Variants in CRTAC1 observed in about 807,000 individuals in gnomAD.
CRTAC1 encodes cartilage acidic protein 1.
In CRTAC1, 37 loss-of-function variants were observed where a neutral mutation model predicts 67.8. The observed-to-expected ratio is 0.55, with a 90% CI of 0.42 to 0.72. The LOEUF is 0.72. Ranked by LOEUF, CRTAC1 falls within the 30% of genes least tolerant of loss-of-function variation. CRTAC1 has a pLI of 0.00. For synonymous variants in CRTAC1, 348 were observed against 371.0 expected (o/e 0.94, Z 0.71); for missense variants, 780 against 931.6 (o/e 0.84, Z 2.12).
At chr10:97,985,189 T>C (rs2051960079) in intron 2 of CRTAC1, among the ~76,000 whole-genome samples, 1 of 152,176 alleles carries the variant, frequency 6.6e-6, no homozygotes, top group South Asian at 2.1e-4. Flanking sequence ...AGAGAATAGA[T>C]GCTAGGCACC....
rs531021933 is a variant in CRTAC1, at chr10:98,002,761, C to CTT, written c.224+8375_224+8376dup. 5.0e-3 allele frequency among the ~76,000 whole-genome samples: 185 copies of CTT among 37,274 alleles called. 67 individuals are homozygous for CTT. The highest frequency in any genetic ancestry group is 0.016 in the Middle Eastern group (1 of 62). 24.5% of individuals were successfully genotyped at this position (37,274 alleles called of 152,430 possible). A position where few individuals can be genotyped will look rare whatever the true frequency, so the allele number is the denominator to read the frequency against. On this transcript the variant is annotated intron_variant, in intron 2 of 14. Transcript: ENST00000370597. ...TTTTAGGAATTCTTTACAAAACTCA[C>CTT]TTTTTTTTTTTTTTTTTTTTTTTTT...
intron 7 of CRTAC1, among the ~76,000 whole-genome samples, chr10:97,904,206 C>G (rs1001890069): frequency 1.3e-5 from 2 of 152,060 alleles, no homozygotes; most frequent in Non-Finnish European, 1.5e-5. Flanking sequence ...TCTTCCTACT[C>G]TTGGATCCAG....
At chr10:98,023,555 A>G (rs1210385120) in intron 1 of CRTAC1, among the ~76,000 whole-genome samples, 1 of 152,194 alleles carries the variant, frequency 6.6e-6, no homozygotes, top group African/African-American at 2.4e-5. Context: ...ACCTGAAAAA[A>G]GCCTCTTTGG....
chr10:97,875,992 C>T (rs1311133533), intron 14 of CRTAC1: 1 of 152,204 alleles, frequency 6.6e-6, no homozygotes, highest in South Asian at 2.1e-4. Flanking sequence ...AGGGGACTCT[C>T]GACATTAGCA....
intron 1 of CRTAC1, among the ~76,000 whole-genome samples, chr10:98,022,114 G>A (rs1843135548): frequency 6.6e-6 from 1 of 152,118 alleles, no homozygotes; most frequent in African/African-American, 2.4e-5. Flanking sequence ...CCAGCATTTT[G>A]GGAGGCCGAG....
At chr10:97,965,023 C>A (rs7084682) in intron 2 of CRTAC1, among the ~76,000 whole-genome samples, 1 of 152,126 alleles carries the variant, frequency 6.6e-6, no homozygotes, top group Non-Finnish European at 1.5e-5. Context: ...ATTCAACATG[C>A]GCACAGATGA....
intron 7 of CRTAC1, among the ~76,000 whole-genome samples, chr10:97,904,091 T>C (rs1336668589): frequency 2.6e-5 from 4 of 151,598 alleles, no homozygotes; most frequent in African/African-American, 9.7e-5. Context: ...GCTGGATCCT[T>C]TCCAGGAGCC....
chr10:97,986,193 C>T (rs2136668076), intron 2 of CRTAC1, among the ~76,000 whole-genome samples: 1 of 152,272 alleles, frequency 6.6e-6, no homozygotes, highest in Admixed American at 6.5e-5. Context: ...GACTGGGCTC[C>T]CAAACAGACT....
rs1331320139 is a variant in CRTAC1, at chr10:98,030,594, G to A, written c.-122C>T. On this transcript the variant is annotated 5_prime_UTR_variant, in exon 1 of 15. Transcript: ENST00000370597. This position sits in a 1 kb window ranked among gnomAD's most constrained non-coding sequence, Gnocchi z 4.2. Reference sequence around the variant, plus strand: ...GTCCCGGGCTGGCCTCGAGCCTCCCGCCCCGACGCCGCGCGCTCGCTTTAT... The same window carrying A: ...GTCCCGGGCTGGCCTCGAGCCTCCCACCCCGACGCCGCGCGCTCGCTTTAT... 2.5e-5 allele frequency: 14 copies of A among 558,776 alleles called. No homozygotes were observed. Among genetic ancestry groups the A allele is most frequent in the East Asian group, 3.7e-5 (1 of 26,812 alleles). The allele number at this position is 558,776 out of a possible 1,614,324, so 34.6% of individuals were successfully genotyped here.
chr10:97,952,029 C>T (rs1325430443), intron 2 of CRTAC1, among the ~76,000 whole-genome samples: 3 of 152,272 alleles, frequency 2.0e-5, no homozygotes, highest in Non-Finnish European at 4.4e-5. Flanking sequence ...AGACCACCTA[C>T]AATGAAAACA....
chr10:97,908,197 C>A lies in CRTAC1; in HGVS notation c.716-50G>T, dbSNP rs199918926. 1.3e-3 allele frequency: 2,032 copies of A among 1,606,076 alleles called. 3 individuals are homozygous for A. Among genetic ancestry groups the A allele is most frequent in the Non-Finnish European group, 1.6e-3 (1,860 of 1,174,804 alleles). Reference sequence around the variant, plus strand: ...GAGTGGCAGAAGCAAGCCCCAGGCCCACCTGGAGGACAGGGCTGCCTCTGA... The same window carrying A: ...GAGTGGCAGAAGCAAGCCCCAGGCCAACCTGGAGGACAGGGCTGCCTCTGA... On this transcript the variant is annotated intron_variant, in intron 5 of 14. Coordinates refer to ENST00000370597, the MANE Select transcript of CRTAC1 (RefSeq NM_018058.7).
rs1007899657 is a variant in CRTAC1, at chr10:97,975,831, G to A, written c.224+35307C>T. Among the ~76,000 whole-genome samples the A allele has an allele frequency of 2.6e-5, 4 of 152,224 alleles. No homozygotes were observed. Among genetic ancestry groups the A allele is most frequent in the African/African-American group, 9.6e-5 (4 of 41,468 alleles). ...GGGAAGCTACGCACACTCGGTGAGC[G>A]TGCTCCTGGGCCCCCAATGAGGAGC... is the stretch of plus-strand genomic sequence containing the variant. On this transcript the variant is annotated intron_variant, in intron 2 of 14. Coordinates refer to ENST00000370597, the MANE Select transcript of CRTAC1 (RefSeq NM_018058.7). This position sits in a 1 kb window ranked among gnomAD's most constrained non-coding sequence, Gnocchi z 4.8.
chr10:97,911,423 A>G (rs17108685), intron 5 of CRTAC1, among the ~76,000 whole-genome samples: 93 of 152,312 alleles, frequency 6.1e-4, no homozygotes, highest in Middle Eastern at 3.4e-3. Flanking sequence ...CCACACTACT[A>G]ATTAGCCACA....
At chr10:97,972,051 C>T (rs1040126965) in intron 2 of CRTAC1, among the ~76,000 whole-genome samples, 1 of 152,194 alleles carries the variant, frequency 6.6e-6, no homozygotes, top group African/African-American at 2.4e-5. Flanking sequence ...TACTGGCAGA[C>T]ATCCTTGTGG....
At chr10:97,941,765 C>G (rs1311723708) in intron 2 of CRTAC1, among the ~76,000 whole-genome samples, 1 of 152,218 alleles carries the variant, frequency 6.6e-6, no homozygotes. Flanking sequence ...CCTCACTTGA[C>G]CGTCCCCTAA....
chr10:97,891,553 G>A (rs941406698), intron 11 of CRTAC1, among the ~76,000 whole-genome samples: 1 of 152,376 alleles, frequency 6.6e-6, no homozygotes, highest in South Asian at 2.1e-4. Flanking sequence ...TTGCATGAGA[G>A]TCCCGTGTCC....
At chr10:98,007,779 A>G (rs1284202033) in intron 2 of CRTAC1, among the ~76,000 whole-genome samples, 5 of 152,206 alleles carry the variant, frequency 3.3e-5, no homozygotes, top group Non-Finnish European at 7.4e-5. Context: ...AGCAAGCTAG[A>G]CAAGGTTGAG....
chr10:97,902,283 G>A (rs1367223787), intron 7 of CRTAC1, among the ~76,000 whole-genome samples: 2 of 152,250 alleles, frequency 1.3e-5, no homozygotes, highest in African/African-American at 2.4e-5. Context: ...GCATGACATA[G>A]CTCGCTGGCA....
intron 4 of CRTAC1, among the ~76,000 whole-genome samples, chr10:97,918,729 G>A (rs1279613578): frequency 6.6e-6 from 1 of 152,040 alleles, no homozygotes; most frequent in East Asian, 1.9e-4. Flanking sequence ...GGCACCATGA[G>A]CACAATTCTT....
Sources: allele counts gnomAD v4.1 joint callset (sites outside exome capture counted in the v4.1 genomes callset), GRCh38; gene constraint gnomAD v4.1.1; non-coding constraint Gnocchi (gnomAD v3.1); transcripts MANE v1.5; gene names NCBI Gene and HGNC (gene_info 2026-07-23, HGNC 2026-07-21).